The following LHX9 variants were observed in gnomAD, a reference collection of about 807,000 sequenced individuals.
LHX9 encodes LIM homeobox 9, also known as LIM/homeobox protein Lhx9.
A neutral mutation model predicts 36.5 loss-of-function variants in LHX9; 9 were observed. The ratio of observed to expected loss-of-function variants is 0.25; its 90% confidence interval spans 0.15 to 0.43. The LOEUF (loss-of-function observed/expected upper bound fraction) is 0.43, where lower values mean the gene tolerates loss of function less well. Among genes scored for constraint, LHX9 ranks in the 20% least tolerant of loss-of-function variants. The pLI is 1.00. For synonymous variants in LHX9, 211 were observed against 212.1 expected, an observed-to-expected ratio of 0.99 and a Z score of 0.04; for missense variants, 464 against 526.4, an observed-to-expected ratio of 0.88 and a Z score of 1.16.
Position 197,926,661 on chromosome 1 carries a change from A to G in LHX9, c.734-930A>G, listed in dbSNP as rs535876040. 7.1e-4 allele frequency among the ~76,000 whole-genome samples: 108 copies of G among 152,292 alleles called. No individual in the cohort carries two copies. The East Asian group carries it at 0.012, about 16-fold the overall frequency. Reference sequence around the variant, plus strand: ...GAGAAAATGCCGCCCTCTCTCTGCCAGGCCAGCCAGGGGCACAGCTCACAT... The same window carrying G: ...GAGAAAATGCCGCCCTCTCTCTGCCGGGCCAGCCAGGGGCACAGCTCACAT... On this transcript the variant is annotated intron_variant, in intron 3 of 4. Transcript: ENST00000367387.
At chr1:197,920,206 G>T in intron 2 of LHX9, 32 bp downstream of exon 2, 2 of 1,603,076 alleles carry the variant, frequency 1.2e-6, no homozygotes, top group East Asian at 2.2e-5. Flanking sequence ...TCCTACGCCC[G>T]AGTACACCTG....
At chr1:197,916,333 C>G (rs1300593481), upstream of LHX9, 1 of 260,870 alleles carries the variant, frequency 3.8e-6, no homozygotes, top group Admixed American at 5.0e-5. Context: ...CCCTCCTCCA[C>G]GGCAAAGAGT....
upstream of LHX9, among the ~76,000 whole-genome samples, chr1:197,915,389 C>T (rs140971680): frequency 5.9e-5 from 9 of 152,326 alleles, no homozygotes; most frequent in Non-Finnish European, 1.0e-4. Context: ...AGAGGACCTG[C>T]TGTCTCTGAA....
rs1293868691 is a variant in LHX9, at chr1:197,921,104, T to C, written c.378-200T>C. The stretch of plus-strand genomic sequence containing the variant: ...CTAAGGCTTAGTTGCCCGATTCTTC[T>C]GACTTTAATGTAAAGATCCTTTGTC... On this transcript the variant is annotated intron_variant, in intron 2 of 4. Coordinates refer to ENST00000367387, the MANE Select transcript of LHX9 (RefSeq NM_020204.3). The surrounding 1 kb of genome is among the most constrained non-coding windows in gnomAD (Gnocchi z 4.6). Among the ~76,000 whole-genome samples the C allele has an allele frequency of 6.6e-6, 1 of 151,934 alleles. No homozygotes were observed. The highest frequency in any genetic ancestry group is 1.5e-5 in the Non-Finnish European group (1 of 67,856).
In LHX9 at chr1:197,921,563, C is replaced by T; in HGVS notation, c.637C>T (p.Leu213=). Residue 213 remains leucine (L), a synonymous_variant, in exon 3 of 5, where the codon CTG becomes TTG. Coordinates refer to ENST00000367387, the MANE Select transcript of LHX9 (RefSeq NM_020204.3). The surrounding 1 kb of genome is among the most constrained non-coding windows in gnomAD (Gnocchi z 4.6). ...ELAAKSGGLA[L]PYFNGTGTVQ... ...GGCGGCCAAGAGCGGCGGCCTGGCCCTGCCTTACTTCAACGGTACGGGCAC... is the reference window on the plus strand; with the variant it reads ...GGCGGCCAAGAGCGGCGGCCTGGCCTTGCCTTACTTCAACGGTACGGGCAC... 6.2e-7 allele frequency: 1 copy of T among 1,613,196 alleles called. No individual in the cohort carries two copies. Among genetic ancestry groups the T allele is most frequent in the Non-Finnish European group, 8.5e-7 (1 of 1,179,996 alleles).
intron 2 of LHX9, 59 bp downstream of exon 2, chr1:197,920,233 G>A (rs1659939083): frequency 2.0e-6 from 3 of 1,530,892 alleles, no homozygotes; most frequent in Admixed American, 3.4e-5. Flanking sequence ...CCATCTGCCT[G>A]AGCCCGGAAT....
chr1:197,919,609 T>C (rs1046908646), intron 1 of LHX9, among the ~76,000 whole-genome samples: 2 of 152,270 alleles, frequency 1.3e-5, no homozygotes, highest in Non-Finnish European at 2.9e-5. Flanking sequence ...TCCGTTGTTT[T>C]ATTTTGTGTG....
Position 197,932,031 on chromosome 1 carries a change from A to T in LHX9, c.*2772A>T. The T allele has an allele frequency of 8.0e-7, 1 of 1,253,058 alleles. No homozygotes were observed. Among genetic ancestry groups the T allele is most frequent in the Non-Finnish European group, 1.1e-6 (1 of 881,546 alleles). 77.6% of individuals were successfully genotyped at this position (1,253,058 alleles called of 1,614,324 possible). A position where few individuals can be genotyped will look rare whatever the true frequency, so the allele number is the denominator to read the frequency against. ...GAAATCCACTGCAGTGAAGACAAAG[A>T]CACTATTAGGTTATGATAATCATAC... is the stretch of plus-strand genomic sequence containing the variant. On this transcript the variant is annotated 3_prime_UTR_variant, in exon 5 of 5. Coordinates refer to ENST00000367387, the MANE Select transcript of LHX9 (RefSeq NM_020204.3).
chr1:197,922,013 C>A (rs1660006700), intron 3 of LHX9, among the ~76,000 whole-genome samples: 1 of 151,582 alleles, frequency 6.6e-6, no homozygotes, highest in Admixed American at 6.6e-5. Flanking sequence ...TTTGTGGAGG[C>A]CAAATTATAG....
At chr1:197,919,568 G>A (rs80079233) in intron 1 of LHX9, among the ~76,000 whole-genome samples, 2,524 of 152,288 alleles carry the variant, frequency 0.017, 32 homozygotes, top group Middle Eastern at 0.037. Context: ...ACCTGTGCTC[G>A]TTGAAATTTC....
intron 1 of LHX9, 92 bp downstream of exon 1, chr1:197,918,089 G>T: frequency 7.0e-7 from 1 of 1,431,468 alleles, no homozygotes; most frequent in Non-Finnish European, 9.5e-7. Flanking sequence ...AACCGGAGCG[G>T]CGGGTCGTAG....
intron 1 of LHX9, among the ~76,000 whole-genome samples, chr1:197,919,678 T>C (rs1659905020): frequency 6.6e-6 from 1 of 152,260 alleles, no homozygotes; most frequent in African/African-American, 2.4e-5. Context: ...ATCACCAAAC[T>C]GTAGTCAATA....
chr1:197,929,343 A>G lies in LHX9; in HGVS notation c.*84A>G. On this transcript the variant is annotated 3_prime_UTR_variant, in exon 5 of 5. Coordinates refer to ENST00000367387, the MANE Select transcript of LHX9 (RefSeq NM_020204.3). ...TTATTATTATTTTATTATTTACAAG[A>G]CTTTTTTTTTCTTCTAACCCACAAG... The G allele has an allele frequency of 8.4e-7, 1 of 1,188,040 alleles. No homozygotes were observed. The highest frequency in any genetic ancestry group is 4.3e-5 in the Admixed American group (1 of 23,374). 73.6% of individuals were successfully genotyped at this position (1,188,040 alleles called of 1,614,324 possible).
At chr1:197,925,152 A>AAGACAG (rs1660104888) in intron 3 of LHX9, among the ~76,000 whole-genome samples, 1 of 43,674 alleles carries the variant, frequency 2.3e-5, no homozygotes, top group Non-Finnish European at 4.2e-5. Flanking sequence ...TGGATTGTGT[A>AAGACAG]TTTTATGTGG....
rs1660330820 is a variant in LHX9 at position 197,931,680 on chromosome 1, G to C, written c.*2421G>C. 2.5e-6 allele frequency: 1 copy of C among 399,032 alleles called. No individual in the cohort carries two copies. The allele number at this position is 399,032 out of a possible 1,614,324, so 24.7% of individuals were successfully genotyped here. ...TGTAATTCAACCTAGAAATACCTTT[G>C]AATATATTTGCTTATAACAAAAGTA... On this transcript the variant is annotated 3_prime_UTR_variant, in exon 5 of 5. Coordinates refer to ENST00000367387, the MANE Select transcript of LHX9 (RefSeq NM_020204.3).
chr1:197,913,242 T>A (rs1571394302), upstream of LHX9: 1 of 1,366 alleles, frequency 7.3e-4, no homozygotes, highest in Admixed American at 0.045. Context: ...GGCGAGAGGT[T>A]TTTTTTTTGT....
Position 197,931,832 on chromosome 1 carries a change from G to C in LHX9, c.*2573G>C. 1 of 879,688 alleles carries C rather than the reference G, an allele frequency of 1.1e-6. No homozygotes were observed. Among genetic ancestry groups the C allele is most frequent in the East Asian group, 2.7e-5 (1 of 37,648 alleles). The allele number at this position is 879,688 out of a possible 1,614,324, so 54.5% of individuals were successfully genotyped here. On this transcript the variant is annotated 3_prime_UTR_variant, in exon 5 of 5. Transcript: ENST00000367387. ...ATGTTAGGTCTATTGAGCACAAATG[G>C]ATATTTGTAAATCTAAATAGAAATT...
At chr1:197,928,401 T>C (rs1198063750) in intron 4 of LHX9, among the ~76,000 whole-genome samples, 1 of 152,234 alleles carries the variant, frequency 6.6e-6, no homozygotes, top group African/African-American at 2.4e-5. Context: ...TTATGATAGG[T>C]TGCTGTGAGT....
chr1:197,918,271 G>T (rs1003508875), intron 1 of LHX9: 10 of 716,990 alleles, frequency 1.4e-5, no homozygotes, highest in Non-Finnish European at 2.1e-5. Context: ...GGGGGTGGTG[G>T]CATTCTCTTC....
Sources: allele counts gnomAD v4.1 joint callset (sites outside exome capture counted in the v4.1 genomes callset), GRCh38; gene constraint gnomAD v4.1.1; non-coding constraint Gnocchi (gnomAD v3.1); transcripts MANE v1.5; gene names NCBI Gene and HGNC (gene_info 2026-07-23, HGNC 2026-07-21).